COP1: variants seen among roughly 807,000 people sequenced by gnomAD.
COP1 encodes the protein E3 ubiquitin-protein ligase COP1.
COP1 carries 24 observed loss-of-function variants against 101.3 expected under a neutral mutation model. That is an observed-to-expected ratio of 0.24 (90% CI 0.17 to 0.33). The LOEUF (loss-of-function observed/expected upper bound fraction) is 0.33. Among genes scored for constraint, COP1 ranks in the 10% least tolerant of loss-of-function variants. COP1 has a pLI of 1.00. For missense variants in COP1, 663 were observed against 906.2 expected (o/e 0.73, Z 3.45); for synonymous variants, 347 against 341.9 (o/e 1.01, Z -0.17).
chr1:175,990,730 G>C (rs1658211355), intron 15 of COP1, among the ~76,000 whole-genome samples: 1 of 151,814 alleles, frequency 6.6e-6, no homozygotes, highest in Non-Finnish European at 1.5e-5. Context: ...AAATGTCTTT[G>C]TTTCTAGTAC....
intron 11 of COP1, among the ~76,000 whole-genome samples, chr1:176,058,916 G>A (rs1401759348): frequency 6.6e-6 from 1 of 152,148 alleles, no homozygotes; most frequent in Non-Finnish European, 1.5e-5. Flanking sequence ...CTAAGAGCTT[G>A]ACAACACTTT....
At chr1:176,023,446 T>G (rs556072839) in intron 15 of COP1, among the ~76,000 whole-genome samples, 1 of 151,912 alleles carries the variant, frequency 6.6e-6, no homozygotes, top group Non-Finnish European at 1.5e-5. Context: ...AGGCCAGGCG[T>G]GGTGGCTCAC....
intron 15 of COP1, among the ~76,000 whole-genome samples, chr1:176,008,936 T>A (rs1664090474): frequency 6.6e-6 from 1 of 152,202 alleles, no homozygotes; most frequent in Non-Finnish European, 1.5e-5. Flanking sequence ...CTTTGCACGA[T>A]TTGTGTGTAT....
chr1:176,183,059 T>A (rs113475608), intron 2 of COP1, among the ~76,000 whole-genome samples: 38 of 152,304 alleles, frequency 2.5e-4, no homozygotes, highest in African/African-American at 8.7e-4. Context: ...CTGTTATCAT[T>A]TTAATACTTT....
chr1:176,058,754 T>TAAA (rs1171809329), intron 11 of COP1, among the ~76,000 whole-genome samples: 2 of 88,316 alleles, frequency 2.3e-5, no homozygotes, highest in Admixed American at 1.1e-4. Context: ...GAATGATCAA[T>TAAA]AAAAAAAAAA....
chr1:176,091,789 CAG>C (rs1195797706), intron 9 of COP1, among the ~76,000 whole-genome samples: 1 of 151,504 alleles, frequency 6.6e-6, no homozygotes, highest in Non-Finnish European at 1.5e-5. Context: ...ATAAGTAAAA[CAG>C]AATGAAATTA....
At chr1:176,138,283 T>C (rs760756863) in intron 6 of COP1, among the ~76,000 whole-genome samples, 75 of 151,934 alleles carry the variant, frequency 4.9e-4, no homozygotes, top group Admixed American at 3.3e-3. Context: ...AAAGCAAAAC[T>C]GAAATGGTAG....
chr1:175,992,712 C>G (rs1310047771), intron 15 of COP1, among the ~76,000 whole-genome samples: 2 of 152,210 alleles, frequency 1.3e-5, no homozygotes, highest in African/African-American at 4.8e-5. Flanking sequence ...CTGCCATTGC[C>G]CAGGCTTGCT....
In COP1 at chr1:175,956,732, C is replaced by G. The variant is rs184423830; in HGVS notation, c.2134-9493G>C. On this transcript the variant is annotated intron_variant, in intron 18 of 19. Coordinates refer to ENST00000367669, the MANE Select transcript of COP1 (RefSeq NM_022457.7). ...ATGGTGGTCCAATAAGATTATTGTA[C>G]TATACTTCTTAATCATTAATTTAGA... Among the ~76,000 whole-genome samples the G allele has an allele frequency of 1.7e-3, 264 of 152,222 alleles. 4 individuals carry two copies. In the Middle Eastern group the frequency reaches 0.031, roughly 18 times the overall value.
intron 15 of COP1, among the ~76,000 whole-genome samples, chr1:176,019,373 G>A (rs1025449304): frequency 6.6e-6 from 1 of 151,242 alleles, no homozygotes; most frequent in African/African-American, 2.4e-5. Flanking sequence ...TGAGGCAGGA[G>A]AATCACTTGA....
chr1:176,205,812 C>G (rs1170708383), intron 1 of COP1, among the ~76,000 whole-genome samples: 1 of 152,198 alleles, frequency 6.6e-6, no homozygotes, highest in Admixed American at 6.5e-5. Context: ...TAGCATTTCT[C>G]AAGTCAGAAG....
Position 175,947,203 on chromosome 1 carries a change from T to C in COP1, c.2170A>G (p.Thr724Ala). ...NVLIAANSQG[T>A]IKVLELV ...TATAGTAAATAGCTTACCTTAATTG[T>C]ACCCTGACTGTTAGCAGCAATCAGC... The change falls in exon 19 of 20, where the codon ACA (threonine) becomes GCA (alanine). Residue 724 changes from threonine (T) to alanine (A), a missense_variant. Thr to Ala is a moderately conservative substitution (Grantham distance 58, BLOSUM62 0). Coordinates refer to ENST00000367669, the MANE Select transcript of COP1 (RefSeq NM_022457.7). 6.2e-7 allele frequency: 1 copy of C among 1,607,830 alleles called. No individual in the cohort carries two copies. The highest frequency in any genetic ancestry group is 8.5e-7 in the Non-Finnish European group (1 of 1,174,384).
chr1:175,982,453 G>C (rs1656105095), intron 18 of COP1: 1 of 455,004 alleles, frequency 2.2e-6, no homozygotes, highest in African/African-American at 2.0e-5. Context: ...TACTCCATGT[G>C]AAGATGAGGA....
intron 11 of COP1, among the ~76,000 whole-genome samples, chr1:176,057,872 T>A (rs1673902659): frequency 7.0e-6 from 1 of 142,568 alleles, no homozygotes; most frequent in Admixed American, 6.9e-5. Context: ...CCCGCCGCCA[T>A]CCCATCTAGG....
At position 175,951,449 on chromosome 1, in the gene COP1, TATATATATATATAA is replaced by T. The variant is rs981998853; in HGVS notation, c.2134-4224_2134-4211del. 2.6e-4 allele frequency among the ~76,000 whole-genome samples: 24 copies of T among 91,934 alleles called. No homozygotes were observed. The South Asian group carries it at 6.9e-3, about 27-fold the overall frequency. 60.3% of individuals were successfully genotyped at this position (91,934 alleles called of 152,430 possible). ...TATAAGATACGTGAATATATATATATATATATATATATAAAAACTTCCATTTTTGGCCATAACAG... is the reference window on the plus strand; with the variant it reads ...TATAAGATACGTGAATATATATATATAAACTTCCATTTTTGGCCATAACAG... On this transcript the variant is annotated intron_variant, in intron 18 of 19. Coordinates refer to ENST00000367669, the MANE Select transcript of COP1 (RefSeq NM_022457.7).
chr1:175,970,603 T>A (rs2148602695), intron 18 of COP1, among the ~76,000 whole-genome samples: 1 of 152,302 alleles, frequency 6.6e-6, no homozygotes, highest in Non-Finnish European at 1.5e-5. Flanking sequence ...ATTTTCTAAA[T>A]ACTAGTAAAT....
chr1:176,200,989 T>G (rs1336021411), intron 1 of COP1, among the ~76,000 whole-genome samples: 1 of 152,092 alleles, frequency 6.6e-6, no homozygotes, highest in East Asian at 1.9e-4. Context: ...CATGCCCAAC[T>G]TAAAAAACAT....
At chr1:176,017,086 G>A (rs1052741412) in intron 15 of COP1, among the ~76,000 whole-genome samples, 1 of 152,124 alleles carries the variant, frequency 6.6e-6, no homozygotes, top group Non-Finnish European at 1.5e-5. Context: ...TCATCAATAC[G>A]TTAAAATGAT....
At chr1:175,998,752 C>T (rs1437539271) in intron 15 of COP1, among the ~76,000 whole-genome samples, 2 of 152,052 alleles carry the variant, frequency 1.3e-5, no homozygotes, top group African/African-American at 4.8e-5. Flanking sequence ...ACTCATTTCT[C>T]TTCCCTCATA....
Sources: gnomAD v4.1 joint callset for allele counts (sites outside exome capture counted in the v4.1 genomes callset) on GRCh38, gnomAD v4.1.1 for gene constraint, MANE v1.5 for transcripts, NCBI Gene and HGNC (gene_info 2026-07-23, HGNC 2026-07-21) for gene names.